The following SEC14L2 variants were observed in gnomAD, a reference collection of about 807,000 sequenced individuals.
The protein encoded by SEC14L2 is SEC14-like protein 2.
Under a neutral mutation model 56.9 loss-of-function variants are expected in SEC14L2, and 50 were observed. The ratio of observed to expected loss-of-function variants is 0.88; its 90% CI spans 0.70 to 1.11. SEC14L2 has a LOEUF of 1.11. Among genes scored for constraint, SEC14L2 ranks in the 50% most tolerant of loss-of-function variants. The probability of loss-of-function intolerance (pLI) is 0.00; values close to 1 mark genes in which losing one functional copy is unlikely to be tolerated. For missense variants in SEC14L2, 414 were observed against 500.7 expected (o/e 0.83, Z 1.65); for synonymous variants, 179 against 188.5 (o/e 0.95, Z 0.41).
intron 2 of SEC14L2, 80 bp from the exon 3 acceptor site, chr22:30,406,262 T>G: frequency 7.1e-7 from 1 of 1,405,884 alleles, no homozygotes; most frequent in Non-Finnish European, 1.0e-6. Flanking sequence ...GGCCCTATCA[T>G]GGGAATATGG....
In SEC14L2 at chr22:30,415,796, T is replaced by C. The variant is rs1160603396; in HGVS notation, c.702T>C (p.Pro234=). 1 of 1,614,180 alleles carries C rather than the reference T, an allele frequency of 6.2e-7. No individual in the cohort carries two copies. The highest frequency in any genetic ancestry group is 1.1e-5 in the South Asian group (1 of 91,084). The part of the protein sequence containing the change: ...WKEVLLKHIS[P]DQVPVEYGGT... ...AGGTTTTACTGAAACATATCAGCCC[T>C]GACCAGGTGCCTGTGGAGTATGGGG... Residue 234 remains proline, a synonymous_variant, in exon 9 of 12, where the codon CCT becomes CCC. Coordinates refer to ENST00000615189, the MANE Select transcript of SEC14L2 (RefSeq NM_012429.5).
At chr22:30,406,217 C>A in intron 2 of SEC14L2, 125 bp from the exon 3 acceptor site, 1 of 870,562 alleles carries the variant, frequency 1.1e-6, no homozygotes, top group South Asian at 1.6e-5. Context: ...GTAGGATGGT[C>A]TGAGGGTTAG....
Position 30,424,877 on chromosome 22 carries a change from C to G in SEC14L2, c.*2470C>G. On this transcript the variant is annotated 3_prime_UTR_variant, in exon 12 of 12. Coordinates refer to ENST00000615189, the MANE Select transcript of SEC14L2 (RefSeq NM_012429.5). ...AATCACTAACCCCAACTCTGTCTCC[C>G]TTGCCCGATTCATTCATTCGTTAAT... 1 of 452,620 alleles carries G rather than the reference C, an allele frequency of 2.2e-6. No homozygotes were observed. 28.0% of individuals were successfully genotyped at this position (452,620 alleles called of 1,614,324 possible). A position where few individuals can be genotyped will look rare whatever the true frequency, so the allele number is the denominator to read the frequency against.
chr22:30,414,252 TATG>T (rs1934328699), intron 8 of SEC14L2, among the ~76,000 whole-genome samples: 1 of 152,168 alleles, frequency 6.6e-6, no homozygotes, highest in East Asian at 1.9e-4. Flanking sequence ...AAGAGGTTTT[TATG>T]ATTTTTGTTT....
chr22:30,424,801 T>TG lies in SEC14L2; in HGVS notation c.*2395dup. On this transcript the variant is annotated 3_prime_UTR_variant, in exon 12 of 12. Coordinates refer to ENST00000615189, the MANE Select transcript of SEC14L2 (RefSeq NM_012429.5). ...CAGAGACTTAGTGAAGTGCACACAT[T>TG]GCTCACCTGGGTGAACTGAGGTCCA... The TG allele has an allele frequency of 2.2e-6, 1 of 456,542 alleles. No individual in the cohort carries two copies. Among genetic ancestry groups the TG allele is most frequent in the Non-Finnish European group, 4.4e-6 (1 of 226,928 alleles). The allele number at this position is 456,542 out of a possible 1,614,324, so 28.3% of individuals were successfully genotyped here.
intron 8 of SEC14L2, among the ~76,000 whole-genome samples, chr22:30,415,390 G>A (rs75200010): frequency 0.011 from 1,613 of 152,262 alleles, 57 homozygotes; most frequent in East Asian, 0.093. Context: ...CCAAGATTGC[G>A]CCACTGTACT....
chr22:30,415,670 C>T, intron 8 of SEC14L2, 89 bp from the exon 9 acceptor site: 1 of 1,147,744 alleles, frequency 8.7e-7, no homozygotes, highest in Admixed American at 2.1e-5. Flanking sequence ...TGGGTTTTTT[C>T]TGCCTCTTTA....
At chr22:30,414,268 TCTG>T (rs995177232) in intron 8 of SEC14L2, among the ~76,000 whole-genome samples, 2 of 152,210 alleles carry the variant, frequency 1.3e-5, no homozygotes, top group African/African-American at 2.4e-5. Flanking sequence ...TTTTGTTTTT[TCTG>T]CTGCTACCAC....
At position 30,409,191 on chromosome 22, in the gene SEC14L2, G is replaced by A. The variant is rs1934180217; in HGVS notation, c.428G>A (p.Gly143Glu). 1.9e-6 allele frequency: 3 copies of A among 1,613,906 alleles called. No individual in the cohort carries two copies. The highest frequency in any genetic ancestry group is 2.5e-6 in the Non-Finnish European group (3 of 1,179,850). Reference protein sequence around the residue: ...QECAHQTTKLGRKVETITIIY... With the variant: ...QECAHQTTKLERKVETITIIY... ...CCTGCTCTCTGTTCCCTGCAGTTGG[G>A]GAGGAAGGTGGAGACCATCACCATA... The change falls in exon 6 of 12, where the codon GGG becomes GAG. Residue 143 changes from glycine (G) to glutamate (E), a missense_variant. Gly to Glu is a moderately conservative substitution (Grantham distance 98). Transcript: ENST00000615189.
In SEC14L2 at chr22:30,423,640, T is replaced by C. The variant is rs1061660; in HGVS notation, c.*1233T>C. The C allele has an allele frequency of 0.32, 48,268 of 152,386 alleles. 7,770 individuals carry two copies. The highest frequency in any genetic ancestry group is 0.38 in the East Asian group (1,947 of 5,174). 9.4% of individuals were successfully genotyped at this position (152,386 alleles called of 1,614,324 possible). On this transcript the variant is annotated 3_prime_UTR_variant, in exon 12 of 12. Transcript: ENST00000615189. Reference sequence around the variant, plus strand: ...GGCCCCAGACCTGGCGGGAACGCCTTTCCCTCAGAGCCAGGCCCCGGCCCC... The same window carrying C: ...GGCCCCAGACCTGGCGGGAACGCCTCTCCCTCAGAGCCAGGCCCCGGCCCC...
intron 11 of SEC14L2, 56 bp from the exon 12 acceptor site, chr22:30,422,221 C>T: frequency 6.2e-7 from 1 of 1,606,218 alleles, no homozygotes; most frequent in South Asian, 1.1e-5. Flanking sequence ...AATCACTGTC[C>T]CCAAGCCCTT....
chr22:30,409,562 C>A, intron 7 of SEC14L2, 76 bp downstream of exon 7: 2 of 1,367,440 alleles, frequency 1.5e-6, no homozygotes, highest in South Asian at 1.2e-5. Context: ...GATGGAGGGT[C>A]AAACAGTGAG....
At chr22:30,422,193 T>A in intron 11 of SEC14L2, 84 bp from the exon 12 acceptor site, 1 of 1,549,656 alleles carries the variant, frequency 6.5e-7, no homozygotes, top group Non-Finnish European at 8.8e-7. Flanking sequence ...CCTTGCTCAG[T>A]CACTAAACAT....
At position 30,397,135 on chromosome 22, in the gene SEC14L2, G is replaced by C. The variant is rs529088870; in HGVS notation, c.19G>C (p.Asp7His). Residue 7 changes from aspartate to histidine, a missense_variant, in exon 1 of 12, where the codon GAT becomes CAT. Coordinates refer to ENST00000615189, the MANE Select transcript of SEC14L2 (RefSeq NM_012429.5). The stretch of plus-strand genomic sequence containing the variant: ...AGCCACGATGAGCGGCAGAGTCGGC[G>C]ATCTGAGCCCCAGGCAGAAGGAGGC... MSGRVGDLSPRQKEALA... is the reference protein window; with the variant it reads MSGRVGHLSPRQKEALA... The C allele has an allele frequency of 1.3e-6, 2 of 1,547,922 alleles. No homozygotes were observed. Among genetic ancestry groups the C allele is most frequent in the African/African-American group, 2.8e-5 (2 of 72,678 alleles).
chr22:30,422,361 C>A lies in SEC14L2; in HGVS notation c.1166C>A (p.Ala389Asp). 3 of 1,614,186 alleles carry A rather than the reference C, an allele frequency of 1.9e-6. No individual in the cohort carries two copies. ...FTVEVLLPDK[A>D]SEEKMKQLGA... ...GTGGAGGTCCTGCTTCCAGACAAAG[C>A]CTCAGAAGAGAAGATGAAACAGCTG... Residue 389 changes from alanine (A) to aspartate (D), a missense_variant, in exon 12 of 12, where the codon GCC becomes GAC. Coordinates refer to ENST00000615189, the MANE Select transcript of SEC14L2 (RefSeq NM_012429.5).
At chr22:30,415,913 T>C (rs377542287) in intron 9 of SEC14L2, 35 bp from the exon 10 acceptor site, 3 of 1,614,130 alleles carry the variant, frequency 1.9e-6, no homozygotes. Context: ...CTGGCTCAAA[T>C]GCACATTCCA....
chr22:30,398,849 T>C (rs1933836061), intron 1 of SEC14L2: 2 of 464,526 alleles, frequency 4.3e-6, no homozygotes, highest in South Asian at 1.6e-5. Context: ...AATGACTAGC[T>C]GTTTGACCTT....
intron 2 of SEC14L2, 63 bp downstream of exon 2, chr22:30,399,781 C>T: frequency 7.0e-7 from 1 of 1,431,092 alleles, no homozygotes; most frequent in Non-Finnish European, 9.6e-7. Context: ...AGAATAGCAC[C>T]CTCTGAAAAC....
rs550206912 is a variant in SEC14L2 at position 30,411,544 on chromosome 22, G to A, written c.664+865G>A. On this transcript the variant is annotated intron_variant, in intron 8 of 11. Transcript: ENST00000615189. The stretch of plus-strand genomic sequence containing the variant: ...GCGGATCGCTTGAGCTTAGGAGTTC[G>A]AGACCAGCCTGGCCAACATGGTGAA... Among the ~76,000 whole-genome samples the A allele has an allele frequency of 1.5e-4, 22 of 151,310 alleles. No homozygotes were observed. The South Asian group carries it at 3.6e-3, about 24-fold the overall frequency.
Sources: gnomAD v4.1 joint callset for allele counts (sites outside exome capture counted in the v4.1 genomes callset) on GRCh38, gnomAD v4.1.1 for gene constraint, MANE v1.5 for transcripts, NCBI Gene and HGNC (gene_info 2026-07-23, HGNC 2026-07-21) for gene names.